Variants in ABL1 observed in about 807,000 individuals in gnomAD.
ABL1 encodes the protein tyrosine-protein kinase ABL1.
ABL1 carries 11 observed loss-of-function variants against 94.7 expected under a neutral mutation model. The observed-to-expected ratio is 0.12, with a 90% confidence interval of 0.07 to 0.19. The LOEUF (loss-of-function observed/expected upper bound fraction) is 0.19. Among genes scored for constraint, ABL1 ranks in the 10% least tolerant of loss-of-function variants. The pLI, the probability that ABL1 is intolerant of heterozygous loss-of-function variation, is 1.00. For synonymous variants in ABL1, 656 were observed against 622.4 expected (o/e 1.05, Z -0.80); for missense variants, 1,082 against 1,489.4 (o/e 0.73, Z 4.50).
chr9:130,753,884 T>G (rs1198839873), intron 1 of ABL1, among the ~76,000 whole-genome samples: 9 of 152,074 alleles, frequency 5.9e-5, no homozygotes. Flanking sequence ...GAGAGAAGCC[T>G]AAGGGAAGAT....
chr9:130,877,612 T>A (rs1160869702), intron 7 of ABL1, among the ~76,000 whole-genome samples: 1 of 147,242 alleles, frequency 6.8e-6, no homozygotes, highest in African/African-American at 2.6e-5. Context: ...GGGGTAAGTT[T>A]ACTGAGTCTT....
At chr9:130,855,200 T>C (rs1588269331) in intron 3 of ABL1, 104 bp downstream of exon 3, 2 of 1,335,834 alleles carry the variant, frequency 1.5e-6, no homozygotes, top group Non-Finnish European at 2.1e-6. Flanking sequence ...ACCAAGAAGA[T>C]GTTTAAAGAA....
At chr9:130,841,370 G>A (rs955106494) in intron 1 of ABL1, among the ~76,000 whole-genome samples, 1 of 151,648 alleles carries the variant, frequency 6.6e-6, no homozygotes. Context: ...GCCTCCCAAA[G>A]CCCTGGGATT....
intron 1 of ABL1, among the ~76,000 whole-genome samples, chr9:130,822,768 G>A (rs574296759): frequency 1.1e-4 from 16 of 151,240 alleles, no homozygotes; most frequent in Admixed American, 2.0e-4. Context: ...TCTTATTATC[G>A]AGTGGTAAGA....
At chr9:130,760,365 A>G (rs1407078089) in intron 1 of ABL1, among the ~76,000 whole-genome samples, 1 of 152,122 alleles carries the variant, frequency 6.6e-6, no homozygotes, top group Non-Finnish European at 1.5e-5. Context: ...AATAGAAGCT[A>G]CTGTCCCCCT....
At chr9:130,843,603 A>G (rs146151221) in intron 1 of ABL1, among the ~76,000 whole-genome samples, 28 of 152,268 alleles carry the variant, frequency 1.8e-4, no homozygotes, top group African/African-American at 6.7e-4. Flanking sequence ...TGATAGAGAC[A>G]GACACCAGGT....
chr9:130,784,956 G>A (rs958989466), intron 1 of ABL1, among the ~76,000 whole-genome samples: 2 of 152,212 alleles, frequency 1.3e-5, no homozygotes, highest in Non-Finnish European at 2.9e-5. Flanking sequence ...GTTTCAATTA[G>A]GAAGTGGGGC....
chr9:130,748,498 C>T (rs954946107), intron 1 of ABL1, among the ~76,000 whole-genome samples: 4 of 151,982 alleles, frequency 2.6e-5, no homozygotes, highest in Admixed American at 2.6e-4. Context: ...CTGCAGTCTC[C>T]ACCTCCTGGG....
chr9:130,735,527 A>G (rs1243759644), intron 1 of ABL1, among the ~76,000 whole-genome samples: 2 of 151,134 alleles, frequency 1.3e-5, no homozygotes, highest in Non-Finnish European at 2.9e-5. Context: ...ACAAGCAAAT[A>G]TATATTTATT....
At chr9:130,858,604 G>A (rs887632979) in intron 3 of ABL1, among the ~76,000 whole-genome samples, 4 of 152,158 alleles carry the variant, frequency 2.6e-5, no homozygotes, top group African/African-American at 9.7e-5. Flanking sequence ...TGGAATGAGT[G>A]AACATCGTTA....
At position 130,871,288 on chromosome 9, in the gene ABL1, G is replaced by A. The variant is rs563811293; in HGVS notation, c.823-841G>A. 3.3e-5 allele frequency among the ~76,000 whole-genome samples: 5 copies of A among 152,306 alleles called. 1 individual carries two copies. The South Asian group carries it at 1.0e-3, about 32-fold the overall frequency. On this transcript the variant is annotated intron_variant, in intron 4 of 10. Transcript: ENST00000318560. ...CTTAGTGATGTAGGCCAAGGTCAAG[G>A]CTCTGTGTCATGGGGCTCTCCCCAG...
intron 2 of ABL1, among the ~76,000 whole-genome samples, 182 bp downstream of exon 2, chr9:130,854,419 T>C (rs921639247): frequency 6.6e-6 from 1 of 152,158 alleles, no homozygotes; most frequent in Non-Finnish European, 1.5e-5. Context: ...TCTTGTACAA[T>C]AGCCCTGGGC....
chr9:130,807,098 C>T (rs996793884), intron 1 of ABL1, among the ~76,000 whole-genome samples: 10 of 151,852 alleles, frequency 6.6e-5, no homozygotes, highest in Non-Finnish European at 1.2e-4. Flanking sequence ...TGCAGTGAGC[C>T]GAGATCCTGC....
chr9:130,836,624 G>A (rs1830589685), intron 1 of ABL1, among the ~76,000 whole-genome samples: 2 of 152,126 alleles, frequency 1.3e-5, no homozygotes, highest in South Asian at 4.1e-4. Flanking sequence ...AGGATTTCGA[G>A]ACCAGCCTGG....
At chr9:130,832,054 T>C (rs2132898234), upstream of ABL1, among the ~76,000 whole-genome samples, 1 of 152,262 alleles carries the variant, frequency 6.6e-6, no homozygotes, top group East Asian at 1.9e-4. Flanking sequence ...AGATTGTCCA[T>C]GGATTATGCT....
intron 1 of ABL1, among the ~76,000 whole-genome samples, chr9:130,813,561 CAAAAAAAAAAA>C (rs57194587): frequency 8.2e-5 from 5 of 60,644 alleles, no homozygotes; most frequent in African/African-American, 2.8e-4. Flanking sequence ...ACTCCATCTC[CAAAAAAAAAAA>C]AAAAAAAAAA....
At chr9:130,759,337 G>A (rs1056746429) in intron 1 of ABL1, among the ~76,000 whole-genome samples, 5 of 152,070 alleles carry the variant, frequency 3.3e-5, no homozygotes, top group South Asian at 2.1e-4. Flanking sequence ...CAAGGCTCTC[G>A]TCTCCTTTGT....
In ABL1 at chr9:130,886,311, G is replaced by T. The variant is rs1831583456; in HGVS notation, c.*628G>T. The T allele has an allele frequency of 4.3e-6, 1 of 234,586 alleles. No individual in the cohort carries two copies. Among genetic ancestry groups the T allele is most frequent in the Non-Finnish European group, 8.4e-6 (1 of 118,758 alleles). The allele number at this position is 234,586 out of a possible 1,614,324, so 14.5% of individuals were successfully genotyped here. ...CACGTGCAGGACAGCTCTTGATTTG[G>T]GTGGAAAACAGGGTGCTAAAGCCAA... On this transcript the variant is annotated 3_prime_UTR_variant, in exon 11 of 11. Transcript: ENST00000318560.
chr9:130,732,872 G>C (rs1302032193), intron 1 of ABL1, among the ~76,000 whole-genome samples: 2 of 152,086 alleles, frequency 1.3e-5, no homozygotes, highest in Non-Finnish European at 2.9e-5. Context: ...ATTTCTGCCA[G>C]GAGCGTGGCT....
Sources: gnomAD v4.1 joint callset for allele counts (sites outside exome capture counted in the v4.1 genomes callset) on GRCh38, gnomAD v4.1.1 for gene constraint, MANE v1.5 for transcripts, NCBI Gene and HGNC (gene_info 2026-07-23, HGNC 2026-07-21) for gene names.